The following RLIM variants were observed in gnomAD, a reference collection of about 807,000 sequenced individuals.
RLIM encodes ring finger protein, LIM domain interacting.
Under a neutral mutation model 34.0 loss-of-function variants are expected in RLIM, and 2 were observed. That is an observed-to-expected ratio of 0.06 (90% CI 0.02 to 0.19). The LOEUF is 0.19. Ranked by LOEUF, RLIM falls within the 10% of genes least tolerant of loss-of-function variation. The pLI, the probability that RLIM is intolerant of heterozygous loss-of-function variation, is 1.00. For synonymous variants in RLIM, 169 were observed against 164.0 expected (o/e 1.03, Z -0.23); for missense variants, 286 against 479.7 (o/e 0.60, Z 3.77).
chrX:74,589,326 T>A lies in RLIM; in HGVS notation c.*2114A>T, dbSNP rs748952366. On this transcript the variant is annotated 3_prime_UTR_variant, in exon 4 of 4. Transcript: ENST00000332687. ...GACTACCCTGCAGATCTGAAAACTG[T>A]AGATTACATCCTTAGGAAAGGAGAA... 8.9e-6 allele frequency: 1 copy of A among 111,805 alleles called. No individual in the cohort carries two copies. Among genetic ancestry groups the A allele is most frequent in the Admixed American group, 9.6e-5 (1 of 10,461 alleles). 9.2% of individuals were successfully genotyped at this position (111,805 alleles called of 1,213,427 possible). A position where few individuals can be genotyped will look rare whatever the true frequency, so the allele number is the denominator to read the frequency against.
In RLIM at chrX:74,585,979, G is replaced by C. The variant is rs943432137; in HGVS notation, c.*5461C>G. 2.2e-4 allele frequency: 25 copies of C among 111,915 alleles called. No individual in the cohort carries two copies. Among genetic ancestry groups the C allele is most frequent in the African/African-American group, 8.1e-4 (25 of 30,734 alleles). 9.2% of individuals were successfully genotyped at this position (111,915 alleles called of 1,213,427 possible). A position where few individuals can be genotyped will look rare whatever the true frequency, so the allele number is the denominator to read the frequency against. ...ACTGTTCCCCCTCCAAACCCCTTCA[G>C]GTTCTTATAAGCTTCAGAAAGCTTT... On this transcript the variant is annotated 3_prime_UTR_variant, in exon 4 of 4. Coordinates refer to ENST00000332687, the MANE Select transcript of RLIM (RefSeq NM_016120.4).
At position 74,595,997 on chromosome X, in the gene RLIM, A is replaced by T. The variant is rs1228923269; in HGVS notation, c.-20T>A. On this transcript the variant is annotated 5_prime_UTR_variant, in exon 2 of 4. Coordinates refer to ENST00000332687, the MANE Select transcript of RLIM (RefSeq NM_016120.4). Reference sequence around the variant, plus strand: ...TTCCATATTGATGAACAAGTGGAAAATACCTGAAAAGAGAAAAGAGACTAA... The same window carrying T: ...TTCCATATTGATGAACAAGTGGAAATTACCTGAAAAGAGAAAAGAGACTAA... 2 of 1,110,984 alleles carry T rather than the reference A, an allele frequency of 1.8e-6. No homozygotes were observed. Among genetic ancestry groups the T allele is most frequent in the Non-Finnish European group, 2.4e-6 (2 of 831,471 alleles). 91.6% of individuals were successfully genotyped at this position (1,110,984 alleles called of 1,213,427 possible).
At chrX:74,599,819 A>G (rs940769753) in intron 1 of RLIM, among the ~76,000 whole-genome samples, 1 of 111,495 alleles carries the variant, frequency 9.0e-6, no homozygotes, top group African/African-American at 3.3e-5. Context: ...AAATTTATGG[A>G]AAAAGGGTAG....
In RLIM at chrX:74,586,305, T is replaced by C. The variant is rs1461091909; in HGVS notation, c.*5135A>G. ...GACAGCTGGTTCAACCATACCTTGG[T>C]ATTGAAATAATTCTGCAAGATGAGG... On this transcript the variant is annotated 3_prime_UTR_variant, in exon 4 of 4. Coordinates refer to ENST00000332687, the MANE Select transcript of RLIM (RefSeq NM_016120.4). The C allele has an allele frequency of 1.8e-5, 2 of 111,804 alleles. No homozygotes were observed. The highest frequency in any genetic ancestry group is 3.8e-5 in the Non-Finnish European group (2 of 53,220). The allele number at this position is 111,804 out of a possible 1,213,427, so 9.2% of individuals were successfully genotyped here. A position where few individuals can be genotyped will look rare whatever the true frequency, so the allele number is the denominator to read the frequency against.
At chrX:74,594,128 T>C (rs2079628808) in intron 3 of RLIM, among the ~76,000 whole-genome samples, 178 bp downstream of exon 3, 2 of 112,110 alleles carry the variant, frequency 1.8e-5, no homozygotes, top group Non-Finnish European at 3.8e-5. Context: ...AAAGGTGAGG[T>C]AGAAAAAAAA....
intron 2 of RLIM, 152 bp downstream of exon 2, chrX:74,595,657 G>A: frequency 1.6e-5 from 6 of 379,503 alleles, no homozygotes; most frequent in Non-Finnish European, 2.7e-5. Context: ...ATATAATCAG[G>A]TAATAAATAC....
At chrX:74,609,253 C>T (rs1041366891) in intron 1 of RLIM, among the ~76,000 whole-genome samples, 12 of 109,642 alleles carry the variant, frequency 1.1e-4, no homozygotes, top group African/African-American at 4.0e-4. Flanking sequence ...TTTGGGAGGC[C>T]GAGACGGGCA....
At position 74,597,699 on chromosome X, in the gene RLIM, G is replaced by A. The variant is rs1204385653; in HGVS notation, c.-23-1699C>T. 1.8e-5 allele frequency among the ~76,000 whole-genome samples: 2 copies of A among 112,091 alleles called. 1 individual carries two copies. Among genetic ancestry groups the A allele is most frequent in the Non-Finnish European group, 3.8e-5 (2 of 53,229 alleles). ...TATATTTTATTACTCATCATCAAGT[G>A]ATCTGAAGAAAATTTCAATCTATCA... On this transcript the variant is annotated intron_variant, in intron 1 of 3. Transcript: ENST00000332687.
intron 1 of RLIM, among the ~76,000 whole-genome samples, chrX:74,603,250 G>GTAAC (rs1193072728): frequency 9.1e-6 from 1 of 110,174 alleles, no homozygotes; most frequent in Non-Finnish European, 1.9e-5. Context: ...ATCCACTTAG[G>GTAAC]TTACCTCTAC....
In RLIM at chrX:74,583,133, A is replaced by G. The variant is rs1313782000; in HGVS notation, c.*8307T>C. The G allele has an allele frequency of 8.4e-7, 1 of 1,196,330 alleles. No individual in the cohort carries two copies. Among genetic ancestry groups the G allele is most frequent in the East Asian group, 3.0e-5 (1 of 33,845 alleles). ...TGGCACTGTTAACTGCTTTCTGGGC[A>G]GTCTCTTTAGCTTGGTGGGCTTGTA... is the stretch of plus-strand genomic sequence containing the variant. On this transcript the variant is annotated 3_prime_UTR_variant, in exon 4 of 4. Transcript: ENST00000332687.
chrX:74,584,542 T>C lies in RLIM; in HGVS notation c.*6898A>G, dbSNP rs183045709. On this transcript the variant is annotated 3_prime_UTR_variant, in exon 4 of 4. Transcript: ENST00000332687. Reference sequence around the variant, plus strand: ...AAATGACCATTAAGAGTTCAGTTTATAATCCACCCAGATTTATCGAATCCT... The same window carrying C: ...AAATGACCATTAAGAGTTCAGTTTACAATCCACCCAGATTTATCGAATCCT... Among the ~76,000 whole-genome samples, 21 of 112,076 alleles carry C rather than the reference T, an allele frequency of 1.9e-4. No homozygotes were observed. In the East Asian group the frequency reaches 5.9e-3, roughly 31 times the overall value.
chrX:74,597,727 T>C (rs1433497736), intron 1 of RLIM, among the ~76,000 whole-genome samples: 1 of 112,326 alleles, frequency 8.9e-6, no homozygotes, highest in Non-Finnish European at 1.9e-5. Flanking sequence ...ATCTATCATA[T>C]TACTGAACCA....
chrX:74,588,062 C>G lies in RLIM; in HGVS notation c.*3378G>C, dbSNP rs1236164224. 8.9e-6 allele frequency: 1 copy of G among 112,739 alleles called. No individual in the cohort carries two copies. Among genetic ancestry groups the G allele is most frequent in the Non-Finnish European group, 1.9e-5 (1 of 53,401 alleles). 9.3% of individuals were successfully genotyped at this position (112,739 alleles called of 1,213,427 possible). On this transcript the variant is annotated 3_prime_UTR_variant, in exon 4 of 4. Transcript: ENST00000332687. ...ACCATTAAGGTGTAACTAACATGTT[C>G]TTTTCAGAGCAAATATTCCAAATTA...
intron 1 of RLIM, among the ~76,000 whole-genome samples, 166 bp from the exon 2 acceptor site, chrX:74,596,166 G>A (rs1036701791): frequency 1.4e-4 from 16 of 112,480 alleles, no homozygotes; most frequent in Non-Finnish European, 2.8e-4. Flanking sequence ...TTAAGAGTAG[G>A]TCAAGGGTTG....
Position 74,591,902 on chromosome X carries a change from T to C in RLIM, c.1413A>G (p.Ser471=), listed in dbSNP as rs113198776. The part of the protein sequence containing the change: ...SSSSSSSSSS[S]SSSSSPSSSS... ...TGGAACTAGGACTGGAACTGGAACTTGAACTGGAACTGGAACTCGAACTGG... is the reference window on the plus strand; with the variant it reads ...TGGAACTAGGACTGGAACTGGAACTCGAACTGGAACTGGAACTCGAACTGG... Residue 471 remains serine, a synonymous_variant, in exon 4 of 4, where the codon TCA becomes TCG. Transcript: ENST00000332687. 1.0e-5 allele frequency: 12 copies of C among 1,200,699 alleles called. No homozygotes were observed. Among genetic ancestry groups the C allele is most frequent in the African/African-American group, 8.9e-5 (5 of 55,950 alleles).
Position 74,593,043 on chromosome X carries a change from T to A in RLIM, c.272A>T (p.Asp91Val). 8.3e-7 allele frequency: 1 copy of A among 1,205,715 alleles called. No individual in the cohort carries two copies. ...DENRGGDSSDDVSNGDSIIDW... is the reference protein window; with the variant it reads ...DENRGGDSSDVVSNGDSIIDW... The stretch of plus-strand genomic sequence containing the variant: ...TATTATAGAGTCACCATTAGACACA[T>A]CATCTGAAGAGTCTCCTCCTGTTCA... The change falls in exon 4 of 4, where the codon GAT becomes GTT. Residue 91 changes from aspartate to valine, a missense_variant. Asp to Val is a radical substitution (Grantham distance 152, BLOSUM62 -3). Transcript: ENST00000332687.
Position 74,585,738 on chromosome X carries a change from T to C in RLIM, c.*5702A>G, listed in dbSNP as rs1323883716. On this transcript the variant is annotated 3_prime_UTR_variant, in exon 4 of 4. Coordinates refer to ENST00000332687, the MANE Select transcript of RLIM (RefSeq NM_016120.4). ...GCTTCCCAACCAGGAGTCTGCTGGA[T>C]AGGTATCGGAGAAGGGTGTTATGTT... The C allele has an allele frequency of 1.8e-5, 2 of 111,737 alleles. No homozygotes were observed. The highest frequency in any genetic ancestry group is 3.2e-5 in the African/African-American group (1 of 30,770). The allele number at this position is 111,737 out of a possible 1,213,427, so 9.2% of individuals were successfully genotyped here.
At chrX:74,597,390 T>C (rs2079644016) in intron 1 of RLIM, among the ~76,000 whole-genome samples, 1 of 112,116 alleles carries the variant, frequency 8.9e-6, no homozygotes, top group Non-Finnish European at 1.9e-5. Flanking sequence ...TGTTGACAAA[T>C]GTAACTGATA....
chrX:74,602,020 T>C (rs1445751628), intron 1 of RLIM, among the ~76,000 whole-genome samples: 2 of 111,900 alleles, frequency 1.8e-5, no homozygotes, highest in East Asian at 2.8e-4. Context: ...CAAACAGCCC[T>C]GTAAACTTTA....
Sources: allele counts gnomAD v4.1 joint callset (sites outside exome capture counted in the v4.1 genomes callset), GRCh38; gene constraint gnomAD v4.1.1; transcripts MANE v1.5; gene names NCBI Gene and HGNC (gene_info 2026-07-23, HGNC 2026-07-21).